Variants in ADAMTSL3 observed in about 807,000 individuals in gnomAD.
ADAMTSL3 encodes the protein ADAMTS-like protein 3.
Under a neutral mutation model 201.7 loss-of-function variants are expected in ADAMTSL3, and 128 were observed. The observed-to-expected ratio is 0.63, with a 90% CI of 0.55 to 0.73. The LOEUF (loss-of-function observed/expected upper bound fraction) is 0.73. Among genes scored for constraint, ADAMTSL3 ranks in the 30% least tolerant of loss-of-function variants. The pLI is 0.00. For synonymous variants in ADAMTSL3, 738 were observed against 748.4 expected (o/e 0.99, Z 0.23); for missense variants, 1,990 against 2,119.6 (o/e 0.94, Z 1.20).
intron 3 of ADAMTSL3, among the ~76,000 whole-genome samples, chr15:83,743,022 G>T (rs1184318302): frequency 6.6e-6 from 1 of 151,890 alleles, no homozygotes; most frequent in Non-Finnish European, 1.5e-5. Flanking sequence ...TCAGATTTTT[G>T]AATTTTCTGT....
chr15:84,037,659 T>C (rs760835302), intron 29 of ADAMTSL3, 41 bp from the exon 30 acceptor site: 3 of 1,546,444 alleles, frequency 1.9e-6, no homozygotes, highest in African/African-American at 2.8e-5. Flanking sequence ...ATTAGGTCTC[T>C]AATAAGCTAT....
chr15:83,874,604 T>C (rs2065144164), intron 9 of ADAMTSL3, among the ~76,000 whole-genome samples: 1 of 143,704 alleles, frequency 7.0e-6, no homozygotes, highest in Non-Finnish European at 1.5e-5. Flanking sequence ...AGCTCCTCCT[T>C]TCACTCTCAG....
Position 83,929,774 on chromosome 15 carries a change from A to G in ADAMTSL3, c.2117+5741A>G, listed in dbSNP as rs147472123. Among the ~76,000 whole-genome samples the G allele has an allele frequency of 6.8e-3, 1,028 of 150,558 alleles. 11 individuals carry two copies. The highest frequency in any genetic ancestry group is 0.024 in the African/African-American group (967 of 40,400). On this transcript the variant is annotated intron_variant, in intron 17 of 29. Transcript: ENST00000286744. ...CAGAGAGACAGAGAGAGACAGAGAG[A>G]CAGAGACAGACACACACACACACAC... is the stretch of plus-strand genomic sequence containing the variant.
At chr15:83,715,600 A>G (rs1225041434) in intron 3 of ADAMTSL3, among the ~76,000 whole-genome samples, 2 of 152,190 alleles carry the variant, frequency 1.3e-5, no homozygotes, top group Non-Finnish European at 2.9e-5. Context: ...TCTCATCACT[A>G]TAGCTCCAGA....
At chr15:83,753,294 A>G (rs964137852) in intron 3 of ADAMTSL3, among the ~76,000 whole-genome samples, 5 of 152,210 alleles carry the variant, frequency 3.3e-5, no homozygotes, top group Admixed American at 6.5e-5. Flanking sequence ...TTTTTGTGCT[A>G]CTGATCTCAG....
At position 83,890,139 on chromosome 15, in the gene ADAMTSL3, A is replaced by C; in HGVS notation, c.1103A>C (p.Asp368Ala). 1 of 1,613,582 alleles carries C rather than the reference A, an allele frequency of 6.2e-7. No individual in the cohort carries two copies. The highest frequency in any genetic ancestry group is 2.2e-5 in the East Asian group (1 of 44,856). ...CAGCTCAATTCTGCTGAATGTGTGG[A>C]TATCCGCTTGAAGAGGGTAGTTCCT... ...GYQLNSAECV[D>A]IRLKRVVPDH... is the part of the protein sequence containing the mutation. The change falls in exon 11 of 30, where the codon GAT becomes GCT. Residue 368 changes from aspartate (D) to alanine (A), a missense_variant. Physicochemically the swap from Asp to Ala is moderately radical, Grantham distance 126 (BLOSUM62 -2). Transcript: ENST00000286744.
At chr15:83,874,843 A>G (rs907026108) in intron 9 of ADAMTSL3, among the ~76,000 whole-genome samples, 1 of 145,780 alleles carries the variant, frequency 6.9e-6, no homozygotes, top group Non-Finnish European at 1.5e-5. Context: ...TTTGCCCTGC[A>G]CTGAAAGTAA....
At chr15:84,032,320 A>C (rs2068423825) in intron 28 of ADAMTSL3, among the ~76,000 whole-genome samples, 2 of 152,224 alleles carry the variant, frequency 1.3e-5, no homozygotes, top group African/African-American at 2.4e-5. Flanking sequence ...TGACCTTGAC[A>C]GTTGGCTGGG....
At position 83,801,629 on chromosome 15, in the gene ADAMTSL3, TATATATAA is replaced by T. The variant is rs1156632416; in HGVS notation, c.318-3007_318-3000del. Among the ~76,000 whole-genome samples the T allele has an allele frequency of 3.4e-4, 15 of 43,696 alleles. 2 individuals are homozygous for T. The highest frequency in any genetic ancestry group is 1.4e-3 in the African/African-American group (13 of 9,006). 28.7% of individuals were successfully genotyped at this position (43,696 alleles called of 152,430 possible). A position where few individuals can be genotyped will look rare whatever the true frequency, so the allele number is the denominator to read the frequency against. ...ACAAGAAAAGGTCAATGAAATTTTA[TATATATAA>T]ATATATAAATATAAATATATATATA... is the stretch of plus-strand genomic sequence containing the variant. On this transcript the variant is annotated intron_variant, in intron 4 of 29. Transcript: ENST00000286744.
chr15:83,711,238 G>A (rs529630053), intron 3 of ADAMTSL3, among the ~76,000 whole-genome samples: 1 of 152,280 alleles, frequency 6.6e-6, no homozygotes, highest in Non-Finnish European at 1.5e-5. Flanking sequence ...TTGGCCAGGA[G>A]TTTCAATGTG....
At chr15:84,014,762 T>C in intron 24 of ADAMTSL3, 38 bp downstream of exon 24, 1 of 1,563,032 alleles carries the variant, frequency 6.4e-7, no homozygotes, top group South Asian at 1.2e-5. Flanking sequence ...AAGTGCCTCC[T>C]GTAATATGCA....
chr15:83,739,962 G>C, intron 3 of ADAMTSL3: 1 of 511,936 alleles, frequency 2.0e-6, no homozygotes, highest in South Asian at 1.6e-5. Flanking sequence ...GTACTGGCAA[G>C]CATGTGACCA....
chr15:83,788,450 T>A (rs1455467354), intron 4 of ADAMTSL3, among the ~76,000 whole-genome samples: 4 of 152,204 alleles, frequency 2.6e-5, no homozygotes, highest in Non-Finnish European at 1.5e-5. Context: ...TCTGAAAAGA[T>A]CTTTATTTTC....
chr15:83,906,868 T>A (rs527502876), intron 15 of ADAMTSL3, among the ~76,000 whole-genome samples: 1 of 152,302 alleles, frequency 6.6e-6, no homozygotes, highest in East Asian at 1.9e-4. Flanking sequence ...TATCTCATTT[T>A]GTTTATTCTT....
At chr15:83,895,293 G>A (rs2065589462) in intron 13 of ADAMTSL3, among the ~76,000 whole-genome samples, 1 of 152,054 alleles carries the variant, frequency 6.6e-6, no homozygotes, top group African/African-American at 2.4e-5. Context: ...AGACATTAGG[G>A]ACTTTCACTT....
intron 4 of ADAMTSL3, among the ~76,000 whole-genome samples, chr15:83,786,972 A>T (rs577713662): frequency 6.6e-6 from 1 of 152,318 alleles, no homozygotes; most frequent in South Asian, 2.1e-4. Context: ...TGAGGACCCA[A>T]ATAGCATTTA....
chr15:83,906,669 C>G, intron 15 of ADAMTSL3, among the ~76,000 whole-genome samples: 1 of 122,936 alleles, frequency 8.1e-6, no homozygotes, highest in African/African-American at 3.3e-5. Flanking sequence ...CACACACACA[C>G]ACACACACAG....
intron 20 of ADAMTSL3, among the ~76,000 whole-genome samples, chr15:83,979,944 G>A (rs1170432918): frequency 9.9e-5 from 15 of 152,206 alleles, no homozygotes; most frequent in Admixed American, 8.5e-4. Flanking sequence ...GCACATTTCA[G>A]TCAACTGGGG....
At chr15:83,835,431 T>C (rs1281521071) in intron 6 of ADAMTSL3, among the ~76,000 whole-genome samples, 1 of 152,074 alleles carries the variant, frequency 6.6e-6, no homozygotes, top group Non-Finnish European at 1.5e-5. Flanking sequence ...GAATTGTAAC[T>C]TAAAAAAAAT....
Sources: gnomAD v4.1 joint callset for allele counts (sites outside exome capture counted in the v4.1 genomes callset) on GRCh38, gnomAD v4.1.1 for gene constraint, MANE v1.5 for transcripts, NCBI Gene and HGNC (gene_info 2026-07-23, HGNC 2026-07-21) for gene names.